Variants in NUP210L observed in about 807,000 individuals in gnomAD.
NUP210L encodes the protein nuclear pore membrane glycoprotein 210-like.
NUP210L carries 74 observed loss-of-function variants against 208.5 expected under a neutral mutation model. That is an observed-to-expected ratio of 0.35 (90% CI 0.29 to 0.43). The LOEUF (loss-of-function observed/expected upper bound fraction) is 0.43, where lower values mean the gene tolerates loss of function less well. Among genes scored for constraint, NUP210L ranks in the 20% least tolerant of loss-of-function variants. NUP210L has a pLI of 1.00. For synonymous variants in NUP210L, 780 were observed against 816.9 expected, an observed-to-expected ratio of 0.95 and a Z score of 0.77; for missense variants, 1,843 against 2,289.4, an observed-to-expected ratio of 0.81 and a Z score of 3.98.
At chr1:154,084,632 C>A (rs1160396512) in intron 16 of NUP210L, among the ~76,000 whole-genome samples, 1 of 151,660 alleles carries the variant, frequency 6.6e-6, no homozygotes, top group African/African-American at 2.4e-5. Flanking sequence ...GGTTACAAGA[C>A]TGGCTAATTT....
At chr1:154,153,731 C>G (rs1204564855) in intron 1 of NUP210L, among the ~76,000 whole-genome samples, 1 of 152,222 alleles carries the variant, frequency 6.6e-6, no homozygotes, top group Non-Finnish European at 1.5e-5. Flanking sequence ...CAGGCGTGAG[C>G]CACCATGCCT....
intron 4 of NUP210L, 70 bp downstream of exon 4, chr1:154,141,361 G>C: frequency 1.0e-6 from 1 of 963,812 alleles, no homozygotes; most frequent in Non-Finnish European, 1.7e-6. Context: ...ATGGTTGCTT[G>C]TTCAGCATGC....
At chr1:154,148,860 TGAAG>T (rs1229670553) in intron 2 of NUP210L, among the ~76,000 whole-genome samples, 5 of 151,364 alleles carry the variant, frequency 3.3e-5, no homozygotes, top group South Asian at 2.1e-4. Flanking sequence ...TCCAGGATGG[TGAAG>T]GAAGGAAGGA....
At chr1:154,022,061 TAATAAC>T in intron 32 of NUP210L, 59 bp downstream of exon 32, 1 of 1,376,048 alleles carries the variant, frequency 7.3e-7, no homozygotes, top group Admixed American at 1.7e-5. Flanking sequence ...CTTTTTTTTT[TAATAAC>T]TGCTTTTTAA....
intron 27 of NUP210L, among the ~76,000 whole-genome samples, chr1:154,045,471 TACA>T (rs1653122181): frequency 6.6e-6 from 1 of 152,114 alleles, no homozygotes; most frequent in South Asian, 2.1e-4. Context: ...AATACAACAT[TACA>T]ACAACATTAA....
chr1:154,080,599 C>T (rs558142307), intron 16 of NUP210L, among the ~76,000 whole-genome samples: 15 of 151,920 alleles, frequency 9.9e-5, no homozygotes, highest in African/African-American at 3.4e-4. Context: ...TGAGGAGAAT[C>T]ACTTGAACCC....
At chr1:154,115,889 T>C (rs1049160401) in intron 12 of NUP210L, among the ~76,000 whole-genome samples, 3 of 151,234 alleles carry the variant, frequency 2.0e-5, no homozygotes, top group Non-Finnish European at 4.4e-5. Flanking sequence ...AAGGCCGGGG[T>C]GGGCGGATCA....
intron 17 of NUP210L, among the ~76,000 whole-genome samples, chr1:154,070,012 G>A (rs1319446576): frequency 6.6e-6 from 1 of 152,112 alleles, no homozygotes; most frequent in Admixed American, 6.6e-5. Flanking sequence ...GAGAACACTT[G>A]GACACAGGGC....
Position 154,075,302 on chromosome 1 carries a change from A to T in NUP210L, c.2362-4837T>A, listed in dbSNP as rs561486880. On this transcript the variant is annotated intron_variant, in intron 16 of 39. Coordinates refer to ENST00000368559, the Ensembl canonical transcript of NUP210L. ...CTCTAAGCTCTCATATATATGTGAG[A>T]CATACCCACGTATACATATATATAC... 1.4e-4 allele frequency among the ~76,000 whole-genome samples: 22 copies of T among 152,282 alleles called. No homozygotes were observed. In the South Asian group the frequency reaches 4.6e-3, roughly 32 times the overall value.
chr1:154,133,782 A>C (rs1449636149), intron 7 of NUP210L, among the ~76,000 whole-genome samples: 2 of 152,094 alleles, frequency 1.3e-5, no homozygotes, highest in Non-Finnish European at 2.9e-5. Context: ...TACAGGTTGC[A>C]GTGAGCCAAG....
At chr1:154,074,538 G>A (rs186443308) in intron 16 of NUP210L, among the ~76,000 whole-genome samples, 3 of 148,484 alleles carry the variant, frequency 2.0e-5, no homozygotes, top group African/African-American at 5.0e-5. Flanking sequence ...ACCAAGGATG[G>A]AGTGCAGTGG....
chr1:154,060,966 G>A (rs1654104996), exon 19 of NUP210L: 1 of 1,611,764 alleles, frequency 6.2e-7, no homozygotes, highest in Admixed American at 1.7e-5. Flanking sequence ...GGTTATAGAT[G>A]GTGGCATTCT....
At chr1:154,008,026 C>T (rs939294106) in intron 35 of NUP210L, among the ~76,000 whole-genome samples, 1 of 151,920 alleles carries the variant, frequency 6.6e-6, no homozygotes, top group Non-Finnish European at 1.5e-5. Flanking sequence ...TGCCTGCCAC[C>T]ATGCCTGGCT....
chr1:154,038,475 T>G (rs1321787685), intron 27 of NUP210L, among the ~76,000 whole-genome samples: 3 of 152,088 alleles, frequency 2.0e-5, no homozygotes, highest in African/African-American at 7.2e-5. Flanking sequence ...CCTAAGTAGC[T>G]GGGATTACAG....
chr1:154,004,439 C>T (rs1650390190), intron 35 of NUP210L, among the ~76,000 whole-genome samples: 1 of 151,978 alleles, frequency 6.6e-6, no homozygotes, highest in Non-Finnish European at 1.5e-5. Flanking sequence ...GCGATCTCAG[C>T]TCACTTCAAG....
intron 2 of NUP210L, among the ~76,000 whole-genome samples, chr1:154,147,494 T>C (rs917426629): frequency 6.6e-6 from 1 of 151,838 alleles, no homozygotes; most frequent in Non-Finnish European, 1.5e-5. Flanking sequence ...CGTACCATCA[T>C]GCCTGGCTAA....
chr1:154,141,704 A>G (rs1571323369), intron 3 of NUP210L, among the ~76,000 whole-genome samples, 180 bp from the exon 4 acceptor site: 1 of 152,348 alleles, frequency 6.6e-6, no homozygotes. Flanking sequence ...TACACAAACA[A>G]TAAATGATGT....
At chr1:154,058,301 T>C (rs1653976959) in intron 21 of NUP210L, 85 bp from the exon 22 acceptor site, 1 of 1,404,780 alleles carries the variant, frequency 7.1e-7, no homozygotes, top group Non-Finnish European at 9.8e-7. Flanking sequence ...TGTACTTTTT[T>C]TTTCTTTCAT....
intron 25 of NUP210L, among the ~76,000 whole-genome samples, chr1:154,051,629 A>C (rs142167681): frequency 4.7e-4 from 71 of 152,350 alleles, no homozygotes; most frequent in African/African-American, 1.6e-3. Flanking sequence ...CAGATGGTAC[A>C]TTTCTCATCT....
Sources: allele counts gnomAD v4.1 joint callset (sites outside exome capture counted in the v4.1 genomes callset), GRCh38; gene constraint gnomAD v4.1.1; transcripts MANE v1.5; gene names NCBI Gene and HGNC (gene_info 2026-07-23, HGNC 2026-07-21).